Variants in TENM4 observed in about 807,000 individuals in gnomAD.
The protein encoded by TENM4 is teneurin-4.
In TENM4, 82 loss-of-function variants were observed where a neutral mutation model predicts 243.3. The ratio of observed to expected loss-of-function variants is 0.34; its 90% confidence interval spans 0.28 to 0.40. The LOEUF (loss-of-function observed/expected upper bound fraction) is 0.40. TENM4 is among the 10% of genes least tolerant of loss of function. TENM4 has a pLI of 1.00. For synonymous variants in TENM4, 1,412 were observed against 1,456.3 expected (o/e 0.97, Z 0.69); for missense variants, 3,138 against 3,673.3 (o/e 0.85, Z 3.77).
chr11:78,986,088 C>T (rs1857912323), intron 6 of TENM4, among the ~76,000 whole-genome samples: 1 of 152,030 alleles, frequency 6.6e-6, no homozygotes. Flanking sequence ...TTTTTTTCTA[C>T]TGGGCTCCTC....
At chr11:79,143,820 T>C (rs561761454) in intron 4 of TENM4, among the ~76,000 whole-genome samples, 1 of 151,896 alleles carries the variant, frequency 6.6e-6, no homozygotes, top group East Asian at 1.9e-4. Flanking sequence ...ATGACTTAAA[T>C]GTAAGACCTG....
intron 6 of TENM4, among the ~76,000 whole-genome samples, chr11:78,971,957 C>T (rs746279233): frequency 9.9e-5 from 15 of 152,006 alleles, no homozygotes; most frequent in East Asian, 3.8e-4. Context: ...TGCAAAACTG[C>T]GTAAAAAGTA....
rs1167464164 is a variant in TENM4, at chr11:79,096,922, GCGCGCGCACACA to G, written c.-65-26925_-65-26914del. The G allele has an allele frequency of 2.5e-5, 3 of 120,064 alleles. No homozygotes were observed. The East Asian group carries it at 1.1e-3, about 42-fold the overall frequency. 7.4% of individuals were successfully genotyped at this position (120,064 alleles called of 1,614,324 possible). A position where few individuals can be genotyped will look rare whatever the true frequency, so the allele number is the denominator to read the frequency against. On this transcript the variant is annotated intron_variant, in intron 4 of 33. Transcript: ENST00000278550. ...CGTGGGCATGCACGCACATGCGCGC[GCGCGCGCACACA>G]CACACACACACACACACACACACAC...
intron 3 of TENM4, among the ~76,000 whole-genome samples, chr11:79,157,627 C>T (rs1211304134): frequency 1.3e-5 from 2 of 152,200 alleles, no homozygotes; most frequent in African/African-American, 4.8e-5. Flanking sequence ...CTCCACAATT[C>T]TGTTCCTGCT....
chr11:78,798,945 G>A (rs114982242), intron 15 of TENM4, among the ~76,000 whole-genome samples: 89 of 152,220 alleles, frequency 5.8e-4, no homozygotes, highest in African/African-American at 2.0e-3. Flanking sequence ...ATAATTAGGC[G>A]TCTCATTTCC....
intron 28 of TENM4, among the ~76,000 whole-genome samples, chr11:78,688,745 G>C (rs1858745094): frequency 6.9e-6 from 1 of 144,414 alleles, no homozygotes; most frequent in Non-Finnish European, 1.5e-5. Flanking sequence ...CTGGGAAAAG[G>C]GGATTCTGAA....
chr11:79,036,440 T>A (rs1342074376), intron 6 of TENM4, among the ~76,000 whole-genome samples: 1 of 152,218 alleles, frequency 6.6e-6, no homozygotes, highest in African/African-American at 2.4e-5. Flanking sequence ...AAAAGGGAAC[T>A]CGGTGTTCAG....
intron 7 of TENM4, among the ~76,000 whole-genome samples, chr11:78,893,725 C>T (rs945439544): frequency 1.3e-5 from 2 of 150,754 alleles, no homozygotes; most frequent in African/African-American, 4.9e-5. Context: ...TAGCTCCCAG[C>T]CCACTCTTCC....
chr11:79,290,752 T>A (rs2135381034), intron 2 of TENM4, among the ~76,000 whole-genome samples: 1 of 152,240 alleles, frequency 6.6e-6, no homozygotes, highest in African/African-American at 2.4e-5. Context: ...GGGAAACTCA[T>A]TATTGAGAAA....
At chr11:78,887,731 C>A (rs545509918) in intron 9 of TENM4, among the ~76,000 whole-genome samples, 3 of 152,310 alleles carry the variant, frequency 2.0e-5, no homozygotes, top group Admixed American at 6.5e-5. Flanking sequence ...CTTTAAATAG[C>A]TGAAGACTAA....
intron 1 of TENM4, among the ~76,000 whole-genome samples, chr11:79,303,647 G>A (rs1478609462): frequency 6.6e-6 from 1 of 152,154 alleles, no homozygotes; most frequent in Non-Finnish European, 1.5e-5. Flanking sequence ...ATTGCCTGAA[G>A]TCACAAAATA....
rs531373506 is a variant in TENM4, at chr11:79,384,579, G to A, written c.-321+55930C>T. ...AAACTACTTCTTCCTTCTGACTCTC[G>A]GATTTCCCACCTGCACAGTGAGGCA... is the stretch of plus-strand genomic sequence containing the variant. On this transcript the variant is annotated intron_variant, in intron 1 of 33. Coordinates refer to ENST00000278550, the MANE Select transcript of TENM4 (RefSeq NM_001098816.3). Among the ~76,000 whole-genome samples, 116 of 152,188 alleles carry A rather than the reference G, an allele frequency of 7.6e-4. 3 individuals are homozygous for A. In the South Asian group the frequency reaches 0.023, roughly 30 times the overall value.
At chr11:78,992,779 C>A (rs1480289789) in intron 6 of TENM4, among the ~76,000 whole-genome samples, 1 of 152,184 alleles carries the variant, frequency 6.6e-6, no homozygotes, top group Non-Finnish European at 1.5e-5. Context: ...CACTTACTAT[C>A]TGCGTGACCG....
At chr11:78,748,018 G>T (rs1051018157) in intron 19 of TENM4, among the ~76,000 whole-genome samples, 17 of 152,202 alleles carry the variant, frequency 1.1e-4, no homozygotes, top group African/African-American at 3.6e-4. Context: ...TGATGGTCTG[G>T]AAGGTCCATT....
chr11:78,777,406 C>CTGTTGCTATCTCTTATTAAAAGATA (rs1223288830), intron 17 of TENM4, among the ~76,000 whole-genome samples: 1 of 152,220 alleles, frequency 6.6e-6, no homozygotes, highest in Non-Finnish European at 1.5e-5. Flanking sequence ...AGTTTTAAAA[C>CTGTTGCTATCTCTTATTAAAAGATA]AGCTGTTGCT....
chr11:79,137,488 C>T (rs1862132086), intron 4 of TENM4, among the ~76,000 whole-genome samples: 1 of 151,652 alleles, frequency 6.6e-6, no homozygotes, highest in African/African-American at 2.4e-5. Context: ...GATCATGCCA[C>T]CAGGCAAAAA....
chr11:79,082,560 C>T (rs983567825), intron 4 of TENM4, among the ~76,000 whole-genome samples: 6 of 135,034 alleles, frequency 4.4e-5, no homozygotes, highest in Admixed American at 3.6e-4. Flanking sequence ...GCCCTGATAC[C>T]CCAGAAAAAT....
At chr11:78,989,573 T>C (rs931072851) in intron 6 of TENM4, among the ~76,000 whole-genome samples, 5 of 152,354 alleles carry the variant, frequency 3.3e-5, no homozygotes, top group Admixed American at 3.3e-4. Flanking sequence ...CTTCATAGAT[T>C]CACAGAGATT....
intron 12 of TENM4, among the ~76,000 whole-genome samples, chr11:78,828,972 G>A (rs1168929494): frequency 6.6e-6 from 1 of 152,248 alleles, no homozygotes; most frequent in Non-Finnish European, 1.5e-5. Flanking sequence ...ATGAGAGGGT[G>A]GCCTGTGGGG....
Sources: gnomAD v4.1 joint callset for allele counts (sites outside exome capture counted in the v4.1 genomes callset) on GRCh38, gnomAD v4.1.1 for gene constraint, MANE v1.5 for transcripts, NCBI Gene and HGNC (gene_info 2026-07-23, HGNC 2026-07-21) for gene names.